The following RBM19 variants were observed in gnomAD, a reference collection of about 807,000 sequenced individuals.
The protein encoded by RBM19 is probable RNA-binding protein 19.
Under a neutral mutation model 116.8 loss-of-function variants are expected in RBM19, and 94 were observed. The observed-to-expected ratio is 0.80, with a 90% confidence interval of 0.68 to 0.95. RBM19 has a LOEUF of 0.95. Ranked by LOEUF, RBM19 falls within the 40% of genes least tolerant of loss-of-function variation. The probability of loss-of-function intolerance (pLI) is 0.00; values close to 1 mark genes in which losing one functional copy is unlikely to be tolerated. For missense variants in RBM19, 1,161 were observed against 1,220.7 expected (o/e 0.95, Z 0.73); for synonymous variants, 475 against 494.1 (o/e 0.96, Z 0.51).
chr12:113,964,728 G>A (rs1872735021), intron 1 of RBM19, among the ~76,000 whole-genome samples: 1 of 152,152 alleles, frequency 6.6e-6, no homozygotes. Flanking sequence ...AGTCACTGGG[G>A]CAGGCAGGTC....
intron 21 of RBM19, among the ~76,000 whole-genome samples, chr12:113,878,845 G>T (rs923984086): frequency 6.6e-5 from 10 of 151,038 alleles, no homozygotes; most frequent in African/African-American, 2.4e-4. Flanking sequence ...AAAAAAAAAG[G>T]GGGGGGTGGT....
chr12:113,858,701 C>T (rs1012739807), intron 22 of RBM19, 90 bp downstream of exon 22: 1 of 1,228,936 alleles, frequency 8.1e-7, no homozygotes, highest in African/African-American at 1.5e-5. Context: ...GGAGGTGACT[C>T]TGTGTGTGTT....
intron 13 of RBM19, among the ~76,000 whole-genome samples, chr12:113,944,908 C>T (rs1225960305): frequency 1.3e-5 from 2 of 151,806 alleles, no homozygotes; most frequent in African/African-American, 2.4e-5. Flanking sequence ...CACACACACA[C>T]ACCCCTACTT....
intron 21 of RBM19, among the ~76,000 whole-genome samples, chr12:113,868,744 TAAGGCAC>T (rs1178213548): frequency 6.6e-6 from 1 of 152,198 alleles, no homozygotes; most frequent in Non-Finnish European, 1.5e-5. Flanking sequence ...ACATACACAT[TAAGGCAC>T]AAGGCCTTGG....
In RBM19 at chr12:113,957,781, C is replaced by T; in HGVS notation, c.840+1G>A. The T allele has an allele frequency of 6.3e-7, 1 of 1,581,122 alleles. No individual in the cohort carries two copies. Among genetic ancestry groups the T allele is most frequent in the Non-Finnish European group, 8.6e-7 (1 of 1,162,448 alleles). ...TCATCACCTGCGGGATACACACGCA[C>T]CTCGGCTCTGGCCTCCGGTGGTCTC... On this transcript the variant is annotated splice_donor_variant, in intron 6 of 23. Transcript: ENST00000261741. LOFTEE classifies it high-confidence loss of function.
At chr12:113,948,410 C>CT (rs1871217421) in intron 10 of RBM19, among the ~76,000 whole-genome samples, 1 of 152,168 alleles carries the variant, frequency 6.6e-6, no homozygotes, top group Non-Finnish European at 1.5e-5. Context: ...GATAAGAAGA[C>CT]TTTACATAAT....
chr12:113,858,709 G>A (rs1878120006), intron 22 of RBM19, 82 bp downstream of exon 22: 1 of 1,345,308 alleles, frequency 7.4e-7, no homozygotes, highest in Non-Finnish European at 1.1e-6. Context: ...CTCTGTGTGT[G>A]TTAGAGGCCT....
intron 20 of RBM19, among the ~76,000 whole-genome samples, chr12:113,917,815 G>GAT (rs1188561445): frequency 6.6e-6 from 1 of 151,440 alleles, no homozygotes; most frequent in African/African-American, 2.4e-5. Context: ...AGTTCATTTA[G>GAT]ATATACAAGC....
intron 22 of RBM19, among the ~76,000 whole-genome samples, chr12:113,853,332 G>T (rs1877621449): frequency 6.6e-6 from 1 of 152,188 alleles, no homozygotes. Flanking sequence ...CCTACTGCTG[G>T]CTCCCCCCAA....
intron 21 of RBM19, among the ~76,000 whole-genome samples, chr12:113,900,903 T>C (rs1489355697): frequency 6.6e-6 from 1 of 152,166 alleles, no homozygotes; most frequent in African/African-American, 2.4e-5. Flanking sequence ...CCCAAACTCC[T>C]TGGGGCTGCA....
chr12:113,943,557 C>T (rs993905892), intron 13 of RBM19, among the ~76,000 whole-genome samples: 14 of 152,126 alleles, frequency 9.2e-5, no homozygotes, highest in Non-Finnish European at 2.9e-5. Flanking sequence ...CAGTGGCTCA[C>T]GCCCATAATC....
At chr12:113,937,219 C>A in intron 15 of RBM19, 83 bp from the exon 16 acceptor site, 2 of 1,525,898 alleles carry the variant, frequency 1.3e-6, no homozygotes, top group Non-Finnish European at 1.8e-6. Context: ...CAGATCACAG[C>A]CCAAGGGTCA....
intron 21 of RBM19, among the ~76,000 whole-genome samples, chr12:113,884,109 T>C (rs1880345670): frequency 1.3e-5 from 1 of 79,858 alleles, no homozygotes; most frequent in Admixed American, 1.7e-4. Flanking sequence ...ACTCCATCTC[T>C]ACCAAAAAAA....
In RBM19 at chr12:113,898,296, C is replaced by T. The variant is rs767710840; in HGVS notation, c.2558+16673G>A. Among the ~76,000 whole-genome samples, 29 of 152,134 alleles carry T rather than the reference C, an allele frequency of 1.9e-4. No homozygotes were observed. Among genetic ancestry groups the T allele is most frequent in the Non-Finnish European group, 3.7e-4 (25 of 68,006 alleles). ...GTCTAATTTTTAATACGTGTACATA[C>T]ATGTGTATCATGATAGAACCGTGAA... On this transcript the variant is annotated intron_variant, in intron 21 of 23. Transcript: ENST00000261741. The surrounding 1 kb of genome is among the most constrained non-coding windows in gnomAD (Gnocchi z 4.3).
intron 21 of RBM19, among the ~76,000 whole-genome samples, chr12:113,879,295 C>T (rs900265355): frequency 2.6e-5 from 4 of 152,050 alleles, no homozygotes; most frequent in African/African-American, 9.7e-5. Context: ...GGACCTGTCC[C>T]TTCCCTGTCT....
At chr12:113,951,883 A>G (rs60377154) in intron 8 of RBM19, among the ~76,000 whole-genome samples, 24,973 of 152,200 alleles carry the variant, frequency 0.16, 2,794 homozygotes, top group African/African-American at 0.32. Flanking sequence ...AGCGGCTTCC[A>G]GCCTCCAGCC....
Position 113,824,530 on chromosome 12 carries a change from T to C in RBM19, c.2786-1209A>G, listed in dbSNP as rs1354734298. Reference sequence around the variant, plus strand: ...AGGCAGTGTAAAGAGGCTGTCCAAATCCCCTCCCTTTCCATGGCTCAAACA... The same window carrying C: ...AGGCAGTGTAAAGAGGCTGTCCAAACCCCCTCCCTTTCCATGGCTCAAACA... On this transcript the variant is annotated intron_variant, in intron 23 of 23. Coordinates refer to ENST00000261741, the MANE Select transcript of RBM19 (RefSeq NM_016196.4). 2.0e-5 allele frequency among the ~76,000 whole-genome samples: 3 copies of C among 151,958 alleles called. No homozygotes were observed. The East Asian group carries it at 5.9e-4, about 30-fold the overall frequency.
chr12:113,837,493 G>A (rs182565948), intron 23 of RBM19, among the ~76,000 whole-genome samples: 120 of 152,326 alleles, frequency 7.9e-4, no homozygotes, highest in Non-Finnish European at 1.4e-3. Flanking sequence ...CAGGAGCTGT[G>A]CGCCATCTCC....
intron 21 of RBM19, among the ~76,000 whole-genome samples, chr12:113,873,008 A>T (rs1879386475): frequency 3.0e-5 from 3 of 99,176 alleles, no homozygotes; most frequent in Non-Finnish European, 4.4e-5. Context: ...CCTACTGGGA[A>T]GTGAGGAGCC....
Sources: gnomAD v4.1 joint callset for allele counts (sites outside exome capture counted in the v4.1 genomes callset) on GRCh38, gnomAD v4.1.1 for gene constraint, Gnocchi (gnomAD v3.1) non-coding constraint, MANE v1.5 for transcripts, NCBI Gene and HGNC (gene_info 2026-07-23, HGNC 2026-07-21) for gene names.